The following CHMP3 variants were observed in gnomAD, a reference collection of about 807,000 sequenced individuals.
CHMP3 encodes the protein charged multivesicular body protein 3.
A neutral mutation model predicts 27.4 loss-of-function variants in CHMP3; 8 were observed. The observed-to-expected ratio is 0.29, with a 90% confidence interval of 0.17 to 0.53. The LOEUF (loss-of-function observed/expected upper bound fraction) is 0.53, where lower values mean the gene tolerates loss of function less well. Among genes scored for constraint, CHMP3 ranks in the 20% least tolerant of loss-of-function variants. CHMP3 has a pLI of 0.96. For synonymous variants in CHMP3, 86 were observed against 85.5 expected, an observed-to-expected ratio of 1.01 and a Z score of -0.03; for missense variants, 208 against 271.5, an observed-to-expected ratio of 0.77 and a Z score of 1.64.
chr2:86,542,567 C>G (rs966257810), intron 1 of CHMP3, among the ~76,000 whole-genome samples: 1 of 152,078 alleles, frequency 6.6e-6, no homozygotes, highest in Non-Finnish European at 1.5e-5. Context: ...TATAAAACCT[C>G]GGAAAGAGTA....
At chr2:86,520,376 C>G (rs141691786) in intron 3 of CHMP3, among the ~76,000 whole-genome samples, 1 of 149,844 alleles carries the variant, frequency 6.7e-6, no homozygotes, top group East Asian at 1.9e-4. Context: ...CGGCAGGAGA[C>G]AGAGAGAGAG....
At chr2:86,538,442 A>G (rs931741247) in intron 2 of CHMP3, among the ~76,000 whole-genome samples, 1 of 152,212 alleles carries the variant, frequency 6.6e-6, no homozygotes, top group African/African-American at 2.4e-5. Flanking sequence ...ATTTTACAAT[A>G]TAAATAAAAA....
intron 1 of CHMP3, among the ~76,000 whole-genome samples, chr2:86,547,530 T>C (rs1056024759): frequency 2.0e-5 from 3 of 152,092 alleles, no homozygotes; most frequent in African/African-American, 7.2e-5. Flanking sequence ...TACACAAAAG[T>C]CAACTGGGAA....
intron 1 of CHMP3, among the ~76,000 whole-genome samples, chr2:86,550,869 T>C (rs1676881077): frequency 6.6e-6 from 1 of 152,200 alleles, no homozygotes; most frequent in African/African-American, 2.4e-5. Context: ...AATCTAGAGA[T>C]TAAAGTACAC....
chr2:86,545,011 C>T (rs377570206), intron 1 of CHMP3, among the ~76,000 whole-genome samples: 3 of 115,736 alleles, frequency 2.6e-5, no homozygotes, highest in African/African-American at 3.2e-5. Flanking sequence ...CGGGCAGAGG[C>T]GCTCCTCACC....
At chr2:86,549,117 C>T (rs4832299) in intron 1 of CHMP3, among the ~76,000 whole-genome samples, 54,380 of 143,014 alleles carry the variant, frequency 0.38, 11,722 homozygotes, top group East Asian at 0.74. Context: ...CCAGACGGGG[C>T]GGCCGGGAAG....
chr2:86,524,688 G>A (rs112850289), intron 3 of CHMP3, among the ~76,000 whole-genome samples: 35 of 152,278 alleles, frequency 2.3e-4, no homozygotes, highest in African/African-American at 7.7e-4. Context: ...TGTGGACACC[G>A]AGGGATAAAT....
intron 3 of CHMP3, among the ~76,000 whole-genome samples, chr2:86,518,551 G>A (rs1311677925): frequency 1.3e-5 from 2 of 152,164 alleles, no homozygotes; most frequent in African/African-American, 4.8e-5. Context: ...AAAAGTGTGA[G>A]TTGATTCCAT....
In CHMP3 at chr2:86,525,211, T is replaced by C. The variant is rs1169930052; in HGVS notation, c.286+4007A>G. Among the ~76,000 whole-genome samples, 3 of 152,194 alleles carry C rather than the reference T, an allele frequency of 2.0e-5. No individual in the cohort carries two copies. In the East Asian group the frequency reaches 5.8e-4, roughly 29 times the overall value. ...GCTTTAATTATGTGTATTTTACTAA[T>C]TGGGTAAAAATTCCCAATGCCTATA... On this transcript the variant is annotated intron_variant, in intron 3 of 5. Coordinates refer to ENST00000263856, the MANE Select transcript of CHMP3 (RefSeq NM_016079.4).
rs1013482798 is a variant in CHMP3 at position 86,507,358 on chromosome 2, G to T, written c.523+121C>A. 8.8e-6 allele frequency: 7 copies of T among 793,158 alleles called. No homozygotes were observed. The African/African-American group carries it at 1.0e-4, about 12-fold the overall frequency. 49.1% of individuals were successfully genotyped at this position (793,158 alleles called of 1,614,324 possible). On this transcript the variant is annotated intron_variant, in intron 5 of 5. Coordinates refer to ENST00000263856, the MANE Select transcript of CHMP3 (RefSeq NM_016079.4). ...CTTTTCAAGAAATAAGCTGCACAGT[G>T]TAAAACGTTAAAAATGTAGAAGGGA...
intron 3 of CHMP3, among the ~76,000 whole-genome samples, chr2:86,525,902 G>A (rs1244477411): frequency 6.6e-6 from 1 of 152,138 alleles, no homozygotes; most frequent in African/African-American, 2.4e-5. Flanking sequence ...TACGCACTTA[G>A]AGATAAAGTC....
chr2:86,562,700 A>G (rs1340206658), intron 1 of CHMP3: 2 of 152,224 alleles, frequency 1.3e-5, no homozygotes, highest in Non-Finnish European at 2.9e-5. Context: ...ATCTCAATTA[A>G]TAGGTAACGA....
At chr2:86,537,695 C>T (rs1420650465) in intron 2 of CHMP3, among the ~76,000 whole-genome samples, 1 of 152,086 alleles carries the variant, frequency 6.6e-6, no homozygotes, top group African/African-American at 2.4e-5. Flanking sequence ...AAGATCAGCA[C>T]AAGGTATAAA....
At chr2:86,561,102 A>G (rs1366182156) in intron 1 of CHMP3, among the ~76,000 whole-genome samples, 7 of 152,234 alleles carry the variant, frequency 4.6e-5, no homozygotes, top group Admixed American at 3.9e-4. Flanking sequence ...TAAAATGTTT[A>G]TCTTACTTGC....
At chr2:86,507,316 T>C in intron 5 of CHMP3, 163 bp downstream of exon 5, 1 of 615,886 alleles carries the variant, frequency 1.6e-6, no homozygotes, top group East Asian at 2.8e-5. Context: ...AAAAGATGGT[T>C]ATAGATATTG....
intron 3 of CHMP3, among the ~76,000 whole-genome samples, chr2:86,525,701 A>G (rs1675677541): frequency 6.6e-6 from 1 of 152,202 alleles, no homozygotes. Context: ...AAGTCTCATG[A>G]AACTCATCAA....
chr2:86,520,345 A>G (rs1211644105), intron 3 of CHMP3, among the ~76,000 whole-genome samples: 1 of 152,144 alleles, frequency 6.6e-6, no homozygotes, highest in East Asian at 1.9e-4. Flanking sequence ...GCAAAGGGGA[A>G]GCAGGCACAT....
Position 86,529,213 on chromosome 2 carries a change from C to A in CHMP3, c.286+5G>T. 1 of 1,601,792 alleles carries A rather than the reference C, an allele frequency of 6.2e-7. No individual in the cohort carries two copies. Among genetic ancestry groups the A allele is most frequent in the South Asian group, 1.1e-5 (1 of 88,760 alleles). ...GAGGTGACTGTAAGGTAAGTGCAGC[C>A]TTACCGAGCTGGTTCTTCATCCCCA... is the stretch of plus-strand genomic sequence containing the variant. On this transcript the variant is annotated splice_donor_5th_base_variant and intron_variant, in intron 3 of 5. Transcript: ENST00000263856.
At chr2:86,512,115 G>T (rs550455037) in intron 3 of CHMP3, 1 of 152,300 alleles carries the variant, frequency 6.6e-6, no homozygotes, top group African/African-American at 2.4e-5. Context: ...CAAGACAAAG[G>T]TGGTTGCTAT....
Sources: gnomAD v4.1 joint callset for allele counts (sites outside exome capture counted in the v4.1 genomes callset) on GRCh38, gnomAD v4.1.1 for gene constraint, MANE v1.5 for transcripts, NCBI Gene and HGNC (gene_info 2026-07-23, HGNC 2026-07-21) for gene names.